Variants in KCNMA1 observed in about 807,000 individuals in gnomAD.
The protein encoded by KCNMA1 is potassium calcium-activated channel subfamily M alpha 1.
KCNMA1 carries 29 observed loss-of-function variants against 140.0 expected under a neutral mutation model. The observed-to-expected ratio is 0.21, with a 90% confidence interval of 0.15 to 0.28. The LOEUF (loss-of-function observed/expected upper bound fraction) is 0.28, where lower values mean the gene tolerates loss of function less well. Among genes scored for constraint, KCNMA1 ranks in the 10% least tolerant of loss-of-function variants. The probability of loss-of-function intolerance (pLI) is 1.00; values close to 1 mark genes in which losing one functional copy is unlikely to be tolerated. For synonymous variants in KCNMA1, 612 were observed against 611.9 expected, an observed-to-expected ratio of 1.00 and a Z score of 0.00; for missense variants, 880 against 1,602.2, an observed-to-expected ratio of 0.55 and a Z score of 7.70.
At chr10:76,882,393 G>C (rs552923629), downstream of KCNMA1, among the ~76,000 whole-genome samples, 1 of 152,236 alleles carries the variant, frequency 6.6e-6, no homozygotes, top group South Asian at 2.1e-4. Flanking sequence ...AAGGAGCTTC[G>C]ACCTTCAAGG....
intron 14 of KCNMA1, among the ~76,000 whole-genome samples, chr10:77,066,974 G>T (rs1257623094): frequency 6.6e-6 from 1 of 152,078 alleles, no homozygotes; most frequent in Non-Finnish European, 1.5e-5. Context: ...CTTCTGGTAT[G>T]CCTCCTTCAA....
At chr10:77,158,241 C>G (rs2098511190) in intron 5 of KCNMA1, among the ~76,000 whole-genome samples, 1 of 152,058 alleles carries the variant, frequency 6.6e-6, no homozygotes, top group Non-Finnish European at 1.5e-5. Flanking sequence ...ACAGGCAGAG[C>G]AAGAGAAAAA....
intron 1 of KCNMA1, among the ~76,000 whole-genome samples, chr10:77,470,641 G>A (rs1353365754): frequency 6.6e-6 from 1 of 152,156 alleles, no homozygotes; most frequent in Non-Finnish European, 1.5e-5. Context: ...CAGAAAGAAG[G>A]CACTTGACCA....
intron 2 of KCNMA1, among the ~76,000 whole-genome samples, chr10:77,270,832 G>C (rs2064912158): frequency 6.6e-6 from 1 of 151,940 alleles, no homozygotes; most frequent in Non-Finnish European, 1.5e-5. Context: ...CTTCATCCCA[G>C]CTCCCTCTAA....
At chr10:77,309,898 T>C (rs2078809467) in intron 2 of KCNMA1, among the ~76,000 whole-genome samples, 1 of 152,216 alleles carries the variant, frequency 6.6e-6, no homozygotes, top group Non-Finnish European at 1.5e-5. Flanking sequence ...CCTGAGGCTC[T>C]GTGATTGCTT....
At chr10:77,365,582 C>T (rs1303645330) in intron 2 of KCNMA1, among the ~76,000 whole-genome samples, 1 of 152,192 alleles carries the variant, frequency 6.6e-6, no homozygotes, top group East Asian at 1.9e-4. Flanking sequence ...CAAGGATTCA[C>T]CTTCTGTCCC....
chr10:77,284,015 A>AGAACAGCATGTGCAAACAGAGG (rs1322735650), intron 2 of KCNMA1, among the ~76,000 whole-genome samples: 1 of 152,170 alleles, frequency 6.6e-6, no homozygotes. Flanking sequence ...GGAGAAAGAG[A>AGAACAGCATGTGCAAACAGAGG]GAACAGCATG....
intron 25 of KCNMA1, 31 bp downstream of exon 25, chr10:76,909,935 T>G: frequency 1.9e-6 from 3 of 1,608,894 alleles, no homozygotes; most frequent in Non-Finnish European, 1.7e-6. Flanking sequence ...CCTCCACCCT[T>G]GAGTGAGGAG....
intron 1 of KCNMA1, among the ~76,000 whole-genome samples, chr10:77,604,673 C>A (rs1207061310): frequency 6.6e-6 from 1 of 152,214 alleles, no homozygotes; most frequent in African/African-American, 2.4e-5. Context: ...CACAACAGAG[C>A]AAAACCCCAT....
At chr10:77,481,618 T>C (rs979013153) in intron 1 of KCNMA1, among the ~76,000 whole-genome samples, 2 of 151,548 alleles carry the variant, frequency 1.3e-5, no homozygotes, top group African/African-American at 2.4e-5. Context: ...ACTAAAAATA[T>C]AGAAAAATTA....
At chr10:77,086,726 C>T in intron 10 of KCNMA1, 133 bp from the exon 11 acceptor site, 1 of 711,456 alleles carries the variant, frequency 1.4e-6, no homozygotes, top group South Asian at 1.5e-5. Flanking sequence ...CTTTTGCTTG[C>T]CATAAATAAA....
downstream of KCNMA1, among the ~76,000 whole-genome samples, chr10:76,883,801 A>G (rs1182621858): frequency 6.7e-6 from 1 of 149,848 alleles, no homozygotes; most frequent in Non-Finnish European, 1.5e-5. Context: ...CTACTTCCTA[A>G]GTAAGCAGAT....
At chr10:76,982,853 C>G (rs936691437) in intron 19 of KCNMA1, among the ~76,000 whole-genome samples, 3 of 152,176 alleles carry the variant, frequency 2.0e-5, no homozygotes, top group African/African-American at 7.2e-5. Flanking sequence ...GGAAATAAAG[C>G]AGGGAGGCCC....
chr10:76,920,020 G>GTGTGTGTA (rs1177257916), intron 23 of KCNMA1, among the ~76,000 whole-genome samples: 47 of 34,418 alleles, frequency 1.4e-3, no homozygotes, highest in East Asian at 3.9e-3. Context: ...GTGTGTGTGT[G>GTGTGTGTA]TATATATATA....
At chr10:77,549,889 T>A (rs888098761) in intron 1 of KCNMA1, among the ~76,000 whole-genome samples, 1 of 152,022 alleles carries the variant, frequency 6.6e-6, no homozygotes, top group South Asian at 2.1e-4. Flanking sequence ...CTGGAGAGAG[T>A]CAGGGTCATC....
At chr10:77,200,923 G>A (rs188789086) in intron 3 of KCNMA1, among the ~76,000 whole-genome samples, 37 of 152,278 alleles carry the variant, frequency 2.4e-4, no homozygotes, top group Middle Eastern at 3.4e-3. Context: ...TAGTCATACC[G>A]TCAAGCCATC....
intron 1 of KCNMA1, among the ~76,000 whole-genome samples, chr10:77,438,961 A>G (rs1447416301): frequency 6.6e-6 from 1 of 152,134 alleles, no homozygotes; most frequent in Non-Finnish European, 1.5e-5. Context: ...CTGTGGTCCC[A>G]GCTACTCGGG....
chr10:76,899,672 A>G (rs1021534241), intron 25 of KCNMA1, among the ~76,000 whole-genome samples: 1 of 152,138 alleles, frequency 6.6e-6, no homozygotes, highest in Non-Finnish European at 1.5e-5. Flanking sequence ...TTGCTGATCC[A>G]TTCCTTAGTA....
At chr10:77,161,661 G>A (rs556091657) in intron 5 of KCNMA1, among the ~76,000 whole-genome samples, 1 of 152,306 alleles carries the variant, frequency 6.6e-6, no homozygotes, top group Non-Finnish European at 1.5e-5. Flanking sequence ...AGTTATGAGT[G>A]TGTTTAGAGA....
Sources: allele counts gnomAD v4.1 joint callset (sites outside exome capture counted in the v4.1 genomes callset), GRCh38; gene constraint gnomAD v4.1.1; transcripts MANE v1.5; gene names NCBI Gene and HGNC (gene_info 2026-07-23, HGNC 2026-07-21).